LMBRD1: variants seen among roughly 807,000 people sequenced by gnomAD.
The protein encoded by LMBRD1 is lysosomal cobalamin transport escort protein LMBD1.
LMBRD1 carries 64 observed loss-of-function variants against 74.8 expected under a neutral mutation model. The observed-to-expected ratio is 0.86, with a 90% CI of 0.70 to 1.05. The LOEUF (loss-of-function observed/expected upper bound fraction) is 1.05, where lower values mean the gene tolerates loss of function less well. Ranked by LOEUF, LMBRD1 falls within the 50% of genes least tolerant of loss-of-function variation. LMBRD1 has a pLI of 0.00. For synonymous variants in LMBRD1, 204 were observed against 216.3 expected (o/e 0.94, Z 0.50); for missense variants, 652 against 645.9 (o/e 1.01, Z -0.10).
chr6:69,721,251 A>T lies in LMBRD1; in HGVS notation c.637-2170T>A, dbSNP rs73485532. On this transcript the variant is annotated intron_variant, in intron 7 of 15. Coordinates refer to ENST00000649934, the MANE Select transcript of LMBRD1 (RefSeq NM_018368.4). ...CTAGGGTGGCATGTGACCCAGGGAG[A>T]CAACAGCTAAGGGAGTGCTTGCACC... 5.9e-3 allele frequency among the ~76,000 whole-genome samples: 906 copies of T among 152,330 alleles called. 14 individuals are homozygous for T. The highest frequency in any genetic ancestry group is 0.02 in the African/African-American group (835 of 41,564).
intron 2 of LMBRD1, among the ~76,000 whole-genome samples, chr6:69,785,726 T>C (rs1765930710): frequency 1.3e-5 from 2 of 152,362 alleles, no homozygotes; most frequent in African/African-American, 2.4e-5. Flanking sequence ...TTTACCTTCA[T>C]TAACTTCATA....
At chr6:69,729,544 AGAT>A (rs1309939414) in intron 7 of LMBRD1, among the ~76,000 whole-genome samples, 5 of 152,028 alleles carry the variant, frequency 3.3e-5, no homozygotes, top group African/African-American at 1.2e-4. Flanking sequence ...TTCTCCAAGA[AGAT>A]AATAATTGAC....
chr6:69,779,200 A>AAAAAAAAAAAAAAAAAAAAT, intron 3 of LMBRD1, among the ~76,000 whole-genome samples: 1 of 151,730 alleles, frequency 6.6e-6, no homozygotes, highest in African/African-American at 2.4e-5. Flanking sequence ...AAAAAAAAAA[A>AAAAAAAAAAAAAAAAAAAAT]ACAATTCAAT....
chr6:69,747,324 T>G (rs1767258714), intron 5 of LMBRD1, among the ~76,000 whole-genome samples: 1 of 152,148 alleles, frequency 6.6e-6, no homozygotes, highest in Non-Finnish European at 1.5e-5. Context: ...TGGCCTTCTA[T>G]AAGCCAGGAA....
chr6:69,782,139 C>T lies in LMBRD1; in HGVS notation c.247-1585G>A, dbSNP rs149531925. On this transcript the variant is annotated intron_variant, in intron 2 of 15. Coordinates refer to ENST00000649934, the MANE Select transcript of LMBRD1 (RefSeq NM_018368.4). ...ACCATGTAGACATTCTTTATTGAAT[C>T]GATCCTAAAAATATTCACACAAATT... is the stretch of plus-strand genomic sequence containing the variant. 2.8e-3 allele frequency among the ~76,000 whole-genome samples: 430 copies of T among 152,292 alleles called. 3 individuals are homozygous for T. Among genetic ancestry groups the T allele is most frequent in the African/African-American group, 9.5e-3 (393 of 41,570 alleles).
intron 6 of LMBRD1, among the ~76,000 whole-genome samples, 164 bp downstream of exon 6, chr6:69,741,625 C>G (rs1767103175): frequency 6.6e-6 from 1 of 152,048 alleles, no homozygotes; most frequent in Admixed American, 6.6e-5. Context: ...ACCTCGTGAT[C>G]CACCCCCCAC....
chr6:69,707,886 G>C (rs1256362392), intron 9 of LMBRD1, among the ~76,000 whole-genome samples: 1 of 152,110 alleles, frequency 6.6e-6, no homozygotes, highest in Non-Finnish European at 1.5e-5. Flanking sequence ...AAAATGAATA[G>C]TGATGATGGT....
In LMBRD1 at chr6:69,697,631, G is replaced by T; in HGVS notation, c.1349C>A (p.Thr450Asn). ...SQNYLIETNI[T>N]SDNHKGNSTL... ...TGAATTGCCTTTATGATTATCAGAA[G>T]TTATATTAGTCTGAAAGATAAAAAT... Residue 450 changes from threonine (T) to asparagine (N), a missense_variant, in exon 14 of 16, where the codon ACT becomes AAT. Physicochemically the swap from Thr to Asn is moderately conservative, Grantham distance 65 (BLOSUM62 0). Around this residue, in one of 3 missense-constraint regions of LMBRD1, gnomAD observed 598 missense variants for 581.8 expected, o/e 1.03. Coordinates refer to ENST00000649934, the MANE Select transcript of LMBRD1 (RefSeq NM_018368.4). The T allele has an allele frequency of 6.4e-7, 1 of 1,574,172 alleles. No homozygotes were observed.
At chr6:69,793,198 T>G (rs117732167) in intron 1 of LMBRD1, among the ~76,000 whole-genome samples, 1 of 151,994 alleles carries the variant, frequency 6.6e-6, no homozygotes, top group African/African-American at 2.4e-5. Flanking sequence ...TTTCAAATAG[T>G]CCCCCCAGCT....
chr6:69,786,695 G>A (rs941433007), intron 2 of LMBRD1, among the ~76,000 whole-genome samples: 1 of 152,046 alleles, frequency 6.6e-6, no homozygotes, highest in Non-Finnish European at 1.5e-5. Context: ...TGAAAGAAAG[G>A]TCAACAGAAA....
At chr6:69,782,124 C>A (rs2149893908) in intron 2 of LMBRD1, among the ~76,000 whole-genome samples, 1 of 152,204 alleles carries the variant, frequency 6.6e-6, no homozygotes, top group Non-Finnish European at 1.5e-5. Flanking sequence ...ACCATGTAGA[C>A]ATTCTTTATT....
chr6:69,759,217 T>C (rs1256408647), intron 3 of LMBRD1, among the ~76,000 whole-genome samples: 1 of 152,206 alleles, frequency 6.6e-6, no homozygotes, highest in Non-Finnish European at 1.5e-5. Flanking sequence ...TTCTACTTCT[T>C]AGTTACTGGT....
At chr6:69,750,917 A>G (rs1765132768) in intron 4 of LMBRD1, among the ~76,000 whole-genome samples, 1 of 152,172 alleles carries the variant, frequency 6.6e-6, no homozygotes, top group Non-Finnish European at 1.5e-5. Context: ...AGTTTTAAGC[A>G]TGATTAAGCA....
chr6:69,713,570 G>T, intron 9 of LMBRD1, 75 bp downstream of exon 9: 1 of 1,459,760 alleles, frequency 6.9e-7, no homozygotes, highest in Non-Finnish European at 9.5e-7. Flanking sequence ...CTCAAAAGGA[G>T]AGCTCAATCT....
chr6:69,783,859 CA>C (rs937228612), intron 2 of LMBRD1, among the ~76,000 whole-genome samples: 7 of 149,866 alleles, frequency 4.7e-5, no homozygotes, highest in Admixed American at 6.6e-5. Context: ...ATCCCAATCT[CA>C]AAAAAAAATA....
At chr6:69,778,793 G>A (rs1359863120) in intron 3 of LMBRD1, among the ~76,000 whole-genome samples, 1 of 151,752 alleles carries the variant, frequency 6.6e-6, no homozygotes, top group African/African-American at 2.4e-5. Flanking sequence ...ATTATATTTT[G>A]AAATTTCATA....
At chr6:69,733,709 C>T (rs960851426) in intron 7 of LMBRD1, among the ~76,000 whole-genome samples, 2 of 152,212 alleles carry the variant, frequency 1.3e-5, no homozygotes, top group Admixed American at 6.5e-5. Context: ...TAGTGCTATT[C>T]GAATGATATT....
chr6:69,789,814 A>G (rs1288736542), intron 2 of LMBRD1, among the ~76,000 whole-genome samples: 1 of 152,188 alleles, frequency 6.6e-6, no homozygotes, highest in Non-Finnish European at 1.5e-5. Flanking sequence ...AAAATGAGGA[A>G]CCTCAAGTCC....
intron 7 of LMBRD1, among the ~76,000 whole-genome samples, chr6:69,723,635 T>C (rs1902650): frequency 0.48 from 72,938 of 151,662 alleles, 18,216 homozygotes; most frequent in African/African-American, 0.61. Flanking sequence ...ATAATGGAAA[T>C]ACAACATACC....
Sources: gnomAD v4.1 joint callset for allele counts (sites outside exome capture counted in the v4.1 genomes callset) on GRCh38, gnomAD v4.1.1 for gene constraint, gnomAD v4.1.1 regional missense constraint, MANE v1.5 for transcripts, NCBI Gene and HGNC (gene_info 2026-07-23, HGNC 2026-07-21) for gene names.